DDX60L: variants seen among roughly 807,000 people sequenced by gnomAD.
The protein encoded by DDX60L is DExD/H-box 60 like, also known as probable ATP-dependent RNA helicase DDX60-like.
In DDX60L, 191 loss-of-function variants were observed where a neutral mutation model predicts 211.6. The observed-to-expected ratio is 0.90, with a 90% CI of 0.80 to 1.02. The LOEUF (loss-of-function observed/expected upper bound fraction) is 1.02, where lower values mean the gene tolerates loss of function less well. Ranked by LOEUF, DDX60L falls within the 50% of genes least tolerant of loss-of-function variation. The pLI is 0.00. For synonymous variants in DDX60L, 706 were observed against 694.1 expected (o/e 1.02, Z -0.27); for missense variants, 2,007 against 1,984.1 (o/e 1.01, Z -0.22).
intron 22 of DDX60L, among the ~76,000 whole-genome samples, chr4:168,408,011 T>C (rs1748052102): frequency 6.6e-6 from 1 of 152,226 alleles, no homozygotes; most frequent in Non-Finnish European, 1.5e-5. Context: ...GGGACTTCAT[T>C]TGAACACACT....
chr4:168,471,722 AACG>A lies in DDX60L; in HGVS notation c.264+22_264+24del, dbSNP rs768417375. 3 of 1,563,860 alleles carry A rather than the reference AACG, an allele frequency of 1.9e-6. No individual in the cohort carries two copies. The East Asian group carries it at 6.8e-5, about 35-fold the overall frequency. ...TCAGTTATAGTCTTCAAAGGACTAA[AACG>A]ACATCAATCATCATATATTACCTTA... is the stretch of plus-strand genomic sequence containing the variant. On this transcript the variant is annotated intron_variant, in intron 4 of 37. Coordinates refer to ENST00000682922, the MANE Select transcript of DDX60L (RefSeq NM_001012967.3).
rs187830800 is a variant in DDX60L at position 168,478,928 on chromosome 4, T to C, written c.-111+1449A>G. Among the ~76,000 whole-genome samples the C allele has an allele frequency of 2.9e-4, 44 of 152,246 alleles. No individual in the cohort carries two copies. In the East Asian group the frequency reaches 8.5e-3, roughly 29 times the overall value. On this transcript the variant is annotated intron_variant, in intron 1 of 37. Transcript: ENST00000682922. Reference sequence around the variant, plus strand: ...TTATGTCTTTCTCTTCTGCTTCAAATAAAACTGATCAATTATGACCCAGCA... The same window carrying C: ...TTATGTCTTTCTCTTCTGCTTCAAACAAAACTGATCAATTATGACCCAGCA...
intron 17 of DDX60L, 104 bp from the exon 18 acceptor site, chr4:168,420,484 A>G: frequency 1.3e-6 from 1 of 781,294 alleles, no homozygotes; most frequent in South Asian, 1.9e-5. Context: ...ACACACACAC[A>G]CACACACACA....
At chr4:168,473,281 A>G (rs1759046664) in intron 1 of DDX60L, among the ~76,000 whole-genome samples, 1 of 152,216 alleles carries the variant, frequency 6.6e-6, no homozygotes, top group South Asian at 2.1e-4. Context: ...TCAGCCATTG[A>G]TGGGTTTTAA....
intron 36 of DDX60L, among the ~76,000 whole-genome samples, chr4:168,369,474 T>TA (rs1336428868): frequency 3.8e-3 from 151 of 39,884 alleles, no homozygotes; most frequent in Admixed American, 8.4e-3. Context: ...TACAGCCATT[T>TA]AAAAAAAACA....
At chr4:168,426,344 T>C (rs1171763521) in intron 14 of DDX60L, among the ~76,000 whole-genome samples, 4 of 152,210 alleles carry the variant, frequency 2.6e-5, no homozygotes, top group South Asian at 2.1e-4. Flanking sequence ...ATAACCATCA[T>C]GTATATGTCG....
chr4:168,432,489 A>T lies in DDX60L; in HGVS notation c.1482T>A (p.Ser494Arg), dbSNP rs200817254. Residue 494 changes from serine to arginine, a missense_variant, in exon 12 of 38, where the codon AGT becomes AGA. Ser to Arg is a moderately radical substitution (Grantham distance 110). Transcript: ENST00000682922. ...LLHWHAQRLLSDDYDRIKCHV... is the reference protein window; with the variant it reads ...LLHWHAQRLLRDDYDRIKCHV... ...GACATTTGATCCTGTCATAGTCGTC[A>T]CTAAGGAGTCTTTGAGCATGCCAGT... The T allele has an allele frequency of 1.9e-6, 3 of 1,582,750 alleles. No homozygotes were observed. Among genetic ancestry groups the T allele is most frequent in the Middle Eastern group, 1.7e-4 (1 of 5,958 alleles).
chr4:168,402,872 C>G (rs1747081273), intron 25 of DDX60L, among the ~76,000 whole-genome samples: 1 of 152,186 alleles, frequency 6.6e-6, no homozygotes, highest in Non-Finnish European at 1.5e-5. Flanking sequence ...TCCGTTAAAG[C>G]TGGCAAAGAT....
chr4:168,363,657 T>C (rs1739462227), intron 36 of DDX60L, among the ~76,000 whole-genome samples: 1 of 152,172 alleles, frequency 6.6e-6, no homozygotes. Flanking sequence ...TACAAGACTC[T>C]TTATGTTAGC....
intron 28 of DDX60L, among the ~76,000 whole-genome samples, chr4:168,393,098 A>G (rs1387166146): frequency 6.6e-6 from 1 of 152,222 alleles, no homozygotes; most frequent in Admixed American, 6.5e-5. Context: ...CAAATAAATG[A>G]TACAGATATG....
chr4:168,401,667 G>C (rs1463808185), intron 25 of DDX60L, among the ~76,000 whole-genome samples: 1 of 152,174 alleles, frequency 6.6e-6, no homozygotes, highest in Non-Finnish European at 1.5e-5. Context: ...TTGGCTCAAT[G>C]TATGTAATGT....
chr4:168,442,139 G>T (rs1245869816), intron 9 of DDX60L, among the ~76,000 whole-genome samples: 2 of 152,048 alleles, frequency 1.3e-5, no homozygotes, highest in Non-Finnish European at 1.5e-5. Context: ...CAGGTCAGTG[G>T]GTGCGCGCAC....
chr4:168,401,832 A>C (rs1404954141), intron 25 of DDX60L, among the ~76,000 whole-genome samples: 1 of 152,244 alleles, frequency 6.6e-6, no homozygotes, highest in African/African-American at 2.4e-5. Context: ...CTGAAGAAAC[A>C]AAGACTAGGA....
chr4:168,382,548 A>G (rs1743149327), intron 30 of DDX60L, among the ~76,000 whole-genome samples: 1 of 152,088 alleles, frequency 6.6e-6, no homozygotes, highest in East Asian at 1.9e-4. Flanking sequence ...TCTGGAATTA[A>G]GAGTGACACA....
At chr4:168,431,732 T>G (rs1752391157) in intron 12 of DDX60L, among the ~76,000 whole-genome samples, 1 of 152,072 alleles carries the variant, frequency 6.6e-6, no homozygotes, top group Admixed American at 6.5e-5. Flanking sequence ...AAGAAAAGTT[T>G]TACTAGTTCT....
chr4:168,421,947 A>G, intron 16 of DDX60L, 38 bp from the exon 17 acceptor site: 1 of 1,613,330 alleles, frequency 6.2e-7, no homozygotes. Flanking sequence ...CAAGAAAGTG[A>G]ACAGCATGTT....
chr4:168,414,883 A>C (rs1336795742), intron 22 of DDX60L, among the ~76,000 whole-genome samples: 2 of 151,502 alleles, frequency 1.3e-5, no homozygotes, highest in Non-Finnish European at 2.9e-5. Context: ...GTTGGGTGGA[A>C]GAGGGAATGG....
chr4:168,419,258 T>C lies in DDX60L; in HGVS notation c.2610+44A>G, dbSNP rs776276130. On this transcript the variant is annotated intron_variant, in intron 19 of 37. Coordinates refer to ENST00000682922, the MANE Select transcript of DDX60L (RefSeq NM_001012967.3). ...TCTTTAAATTACAAATTATAGGGTG[T>C]ATGCAGACTAGAACATCAACCAGAG... The C allele has an allele frequency of 4.4e-6, 6 of 1,350,084 alleles. No homozygotes were observed. The South Asian group carries it at 5.3e-5, about 12-fold the overall frequency. 83.6% of individuals were successfully genotyped at this position (1,350,084 alleles called of 1,614,324 possible).
In DDX60L at chr4:168,471,875, A is replaced by G. The variant is rs1758828149; in HGVS notation, c.136T>C (p.Leu46=). The change falls in exon 4 of 38, where the codon TTG becomes CTG. Residue 46 remains leucine (L), a synonymous_variant. Transcript: ENST00000682922. The part of the protein sequence containing the change: ...SNFFVIDGDS[L]LVTCLGVKSF... ...TTTACACCCAGGCATGTGACAAGCA[A>G]GGAATCTCCATCAATCACAAAAAAA... 2 of 1,612,678 alleles carry G rather than the reference A, an allele frequency of 1.2e-6. No individual in the cohort carries two copies. Among genetic ancestry groups the G allele is most frequent in the Non-Finnish European group, 8.5e-7 (1 of 1,179,656 alleles).
Sources: allele counts gnomAD v4.1 joint callset (sites outside exome capture counted in the v4.1 genomes callset), GRCh38; gene constraint gnomAD v4.1.1; transcripts MANE v1.5; gene names NCBI Gene and HGNC (gene_info 2026-07-23, HGNC 2026-07-21).